Variants in HK1 observed in about 807,000 individuals in gnomAD.
HK1 encodes the protein hexokinase-1.
In HK1, 28 loss-of-function variants were observed where a neutral mutation model predicts 91.6. That is an observed-to-expected ratio of 0.31 (90% CI 0.23 to 0.42). HK1 has a LOEUF of 0.42. Ranked by LOEUF, HK1 falls within the 10% of genes least tolerant of loss-of-function variation. The probability of loss-of-function intolerance (pLI) is 1.00; values close to 1 mark genes in which losing one functional copy is unlikely to be tolerated. For missense variants in HK1, 770 were observed against 1,219.8 expected, an observed-to-expected ratio of 0.63 and a Z score of 5.49; for synonymous variants, 430 against 468.1, an observed-to-expected ratio of 0.92 and a Z score of 1.05.
Position 69,398,802 on chromosome 10 carries a change from C to T in HK1, c.2583C>T (p.Asp861=), listed in dbSNP as rs145610109. 3.0e-4 allele frequency: 484 copies of T among 1,613,090 alleles called. No individual in the cohort carries two copies. In the African/African-American group the frequency reaches 5.6e-3, roughly 19 times the overall value. The part of the protein sequence containing the change: ...LDRLNVTVGV[D]GTLYKLHPHF... ...GTCTGAATGTGACTGTGGGAGTGGA[C>T]GGGACACTCTACAAGCTTCATCCAC... The change falls in exon 17 of 18, where the codon GAC becomes GAT. Residue 861 remains aspartate (D), a synonymous_variant. Coordinates refer to ENST00000359426, the MANE Select transcript of HK1 (RefSeq NM_000188.3).
At chr10:69,359,837 G>GGT in intron 2 of HK1, 60 bp from the exon 3 acceptor site, 1 of 1,527,812 alleles carries the variant, frequency 6.5e-7, no homozygotes, top group Non-Finnish European at 9.1e-7. Context: ...AAGCGGGCAT[G>GGT]GTATGTGGCT....
chr10:69,359,069 G>C (rs1849287694), intron 2 of HK1, among the ~76,000 whole-genome samples: 1 of 151,040 alleles, frequency 6.6e-6, no homozygotes. Flanking sequence ...AAAAAAAAGA[G>C]TAAAATTCTG....
At chr10:69,279,077 G>A (rs1389212170) in intron 1 of HK1, among the ~76,000 whole-genome samples, 1 of 152,168 alleles carries the variant, frequency 6.6e-6, no homozygotes, top group African/African-American at 2.4e-5. Flanking sequence ...TTTTGTTTTC[G>A]TCGATGCTAT....
In HK1 at chr10:69,384,831, C is replaced by T. The variant is rs1839557145; in HGVS notation, c.1755C>T (p.Phe585=). 6.2e-7 allele frequency: 1 copy of T among 1,614,206 alleles called. No homozygotes were observed. Among genetic ancestry groups the T allele is most frequent in the Non-Finnish European group, 8.5e-7 (1 of 1,180,016 alleles). The change falls in exon 12 of 18, where the codon TTC becomes TTT. Residue 585 remains phenylalanine (F), a synonymous_variant. Coordinates refer to ENST00000359426, the MANE Select transcript of HK1 (RefSeq NM_000188.3). ...ACATTGTCTCCTGCATCTCTGACTT[C>T]TTGGACTACATGGGGATCAAAGGCC... ...FDHIVSCISD[F]LDYMGIKGPR... is the part of the protein sequence containing the mutation.
chr10:69,276,118 A>AAAAAAAAATATATATAT, intron 1 of HK1, among the ~76,000 whole-genome samples: 6 of 38,272 alleles, frequency 1.6e-4, no homozygotes, highest in Non-Finnish European at 1.5e-4. Context: ...AAAAAAAAAA[A>AAAAAAAAATATATATAT]ATACATATAT....
chr10:69,338,156 G>A lies in HK1; in HGVS notation c.64-5671G>A, dbSNP rs191685941. 284 of 833,762 alleles carry A rather than the reference G, an allele frequency of 3.4e-4. 1 individual carries two copies. The African/African-American group carries it at 4.8e-3, about 14-fold the overall frequency. 51.6% of individuals were successfully genotyped at this position (833,762 alleles called of 1,614,324 possible). ...CGCTGAGAGCTTCAAGGCCCCCTTG[G>A]TCCACAAGAAGGAGAATCCAGGACA... On this transcript the variant is annotated intron_variant, in intron 1 of 17. Coordinates refer to ENST00000359426, the MANE Select transcript of HK1 (RefSeq NM_000188.3).
chr10:69,309,438 C>A (rs1421731544), intron 5 of HK1, among the ~76,000 whole-genome samples: 4 of 140,284 alleles, frequency 2.9e-5, no homozygotes, highest in Non-Finnish European at 6.1e-5. Flanking sequence ...GCCTCGGCCT[C>A]CTAAAGTGCT....
chr10:69,274,856 C>T (rs1844353790), intron 1 of HK1, among the ~76,000 whole-genome samples: 2 of 152,092 alleles, frequency 1.3e-5, no homozygotes, highest in African/African-American at 4.8e-5. Flanking sequence ...TAAAAGCTGG[C>T]TGCTTTCTCA....
chr10:69,295,737 T>C (rs780547734), intron 4 of HK1: 3 of 1,096,446 alleles, frequency 2.7e-6, no homozygotes, highest in Non-Finnish European at 4.2e-6. Context: ...TAAAAGATAG[T>C]GCGTGGCAAT....
chr10:69,321,790 CT>C (rs1847047660), intron 1 of HK1, among the ~76,000 whole-genome samples: 1 of 151,772 alleles, frequency 6.6e-6, no homozygotes, highest in African/African-American at 2.4e-5. Context: ...GACTTCCCAG[CT>C]TGGAACCCCA....
chr10:69,401,383 C>T lies in HK1; in HGVS notation c.*248C>T, dbSNP rs1210800463. The T allele has an allele frequency of 1.7e-6, 1 of 585,100 alleles. No individual in the cohort carries two copies. The highest frequency in any genetic ancestry group is 3.1e-6 in the Non-Finnish European group (1 of 326,450). 36.2% of individuals were successfully genotyped at this position (585,100 alleles called of 1,614,324 possible). On this transcript the variant is annotated 3_prime_UTR_variant, in exon 18 of 18. Transcript: ENST00000359426. ...TTGCATGGTTTGATTTTGACCTGGT[C>T]CCCCACGTGTGAAGTGTAGTGGCAT...
Position 69,386,398 on chromosome 10 carries a change from G to A in HK1, c.1915G>A (p.Asp639Asn). 1 of 1,613,278 alleles carries A rather than the reference G, an allele frequency of 6.2e-7. No individual in the cohort carries two copies. Among genetic ancestry groups the A allele is most frequent in the Non-Finnish European group, 8.5e-7 (1 of 1,179,210 alleles). The change falls in exon 13 of 18, where the codon GAT (aspartate) becomes AAT (asparagine). Residue 639 changes from aspartate to asparagine, a missense_variant. Coordinates refer to ENST00000359426, the MANE Select transcript of HK1 (RefSeq NM_000188.3). ...VGHDVVTLLR[D>N]AIKRREEFDL... is the part of the protein sequence containing the mutation. The stretch of plus-strand genomic sequence containing the variant: ...CCACGATGTAGTCACCTTACTAAGG[G>A]ATGCGATAAAAAGGAGAGAGGTAAC...
At chr10:69,316,916 T>A (rs1019641419), upstream of HK1, among the ~76,000 whole-genome samples, 2 of 152,172 alleles carry the variant, frequency 1.3e-5, no homozygotes, top group African/African-American at 4.8e-5. Flanking sequence ...AGAACAACCA[T>A]CTTGTTCTCA....
chr10:69,336,020 GTGTT>G (rs1436920374), intron 1 of HK1, among the ~76,000 whole-genome samples: 2 of 152,166 alleles, frequency 1.3e-5, no homozygotes, highest in Non-Finnish European at 2.9e-5. Flanking sequence ...TTATGTATGA[GTGTT>G]TGTTTAGGGA....
At chr10:69,298,897 A>G (rs1219912293) in intron 4 of HK1, among the ~76,000 whole-genome samples, 1 of 151,780 alleles carries the variant, frequency 6.6e-6, no homozygotes, top group Non-Finnish European at 1.5e-5. Flanking sequence ...AGCTAATGAC[A>G]CTACTAGGCC....
At position 69,394,947 on chromosome 10, in the gene HK1, C is replaced by T; in HGVS notation, c.2220-3C>T. On this transcript the variant is annotated splice_polypyrimidine_tract_variant and splice_region_variant and intron_variant, in intron 15 of 17. Transcript: ENST00000359426. ...ACACCCCAGGCCCCTCCTCCTGTCT[C>T]AGGTATGAGAAGATGATCAGTGGTA... 6.2e-7 allele frequency: 1 copy of T among 1,614,088 alleles called. No individual in the cohort carries two copies. Among genetic ancestry groups the T allele is most frequent in the Non-Finnish European group, 8.5e-7 (1 of 1,179,984 alleles).
intron 2 of HK1, among the ~76,000 whole-genome samples, chr10:69,286,308 G>T (rs1418614878): frequency 6.6e-6 from 1 of 152,040 alleles, no homozygotes; most frequent in Non-Finnish European, 1.5e-5. Flanking sequence ...GACCAGCCTG[G>T]GCAACATAGT....
At position 69,380,265 on chromosome 10, in the gene HK1, A is replaced by G. The variant is rs1184393077; in HGVS notation, c.1265+170A>G. On this transcript the variant is annotated intron_variant, in intron 9 of 17. Coordinates refer to ENST00000359426, the MANE Select transcript of HK1 (RefSeq NM_000188.3). This position sits in a 1 kb window ranked among gnomAD's most constrained non-coding sequence, Gnocchi z 4.0. ...TAGCACTTTGAGAGGCCGAGGCAGG[A>G]GGAAGGAGTTTGAGAACAGCCTGGG... 6.6e-6 allele frequency among the ~76,000 whole-genome samples: 1 copy of G among 152,186 alleles called. No individual in the cohort carries two copies. The highest frequency in any genetic ancestry group is 1.5e-5 in the Non-Finnish European group (1 of 68,038).
At chr10:69,379,686 G>A (rs1439265395) in intron 8 of HK1, among the ~76,000 whole-genome samples, 176 bp from the exon 9 acceptor site, 3 of 152,158 alleles carry the variant, frequency 2.0e-5, no homozygotes, top group Non-Finnish European at 4.4e-5. Flanking sequence ...CATTTCTTAT[G>A]GAGGAGAACC....
Sources: allele counts gnomAD v4.1 joint callset (sites outside exome capture counted in the v4.1 genomes callset), GRCh38; gene constraint gnomAD v4.1.1; non-coding constraint Gnocchi (gnomAD v3.1); transcripts MANE v1.5; gene names NCBI Gene and HGNC (gene_info 2026-07-23, HGNC 2026-07-21).